The following ABI2 variants were observed in gnomAD, a reference collection of about 807,000 sequenced individuals.
The protein encoded by ABI2 is abl interactor 2, also known as abelson interactor 2.
In ABI2, 25 loss-of-function variants were observed where a neutral mutation model predicts 59.2. The observed-to-expected ratio is 0.42, with a 90% CI of 0.31 to 0.59. The LOEUF is 0.59. Among genes scored for constraint, ABI2 ranks in the 20% least tolerant of loss-of-function variants. The probability of loss-of-function intolerance (pLI) is 0.14; values close to 1 mark genes in which losing one functional copy is unlikely to be tolerated. For missense variants in ABI2, 545 were observed against 681.8 expected (o/e 0.80, Z 2.23); for synonymous variants, 213 against 235.5 (o/e 0.90, Z 0.87).
intron 1 of ABI2, among the ~76,000 whole-genome samples, chr2:203,338,973 T>TAA (rs2078117819): frequency 1.9e-4 from 2 of 10,260 alleles, no homozygotes; most frequent in African/African-American, 5.5e-4. Flanking sequence ...AATATATATA[T>TAA]ATATATATAA....
intron 1 of ABI2, among the ~76,000 whole-genome samples, chr2:203,351,183 T>C (rs2088090721): frequency 6.6e-6 from 1 of 152,228 alleles, no homozygotes. Context: ...ATTTCTGGAC[T>C]CTGAATTCCA....
chr2:203,392,301 A>G (rs2096778629), intron 5 of ABI2, among the ~76,000 whole-genome samples: 1 of 86,478 alleles, frequency 1.2e-5, no homozygotes, highest in South Asian at 4.7e-4. Flanking sequence ...CACCACCACC[A>G]CCACCACCAC....
intron 4 of ABI2, among the ~76,000 whole-genome samples, chr2:203,389,044 TA>T (rs1265105188): frequency 6.6e-6 from 1 of 152,164 alleles, no homozygotes; most frequent in Non-Finnish European, 1.5e-5. Flanking sequence ...GTTACCACTT[TA>T]AAAAAATCTT....
intron 11 of ABI2, among the ~76,000 whole-genome samples, chr2:203,423,000 A>AT (rs1275438507): frequency 6.6e-6 from 1 of 152,234 alleles, no homozygotes; most frequent in African/African-American, 2.4e-5. Context: ...CAAACAGTAT[A>AT]TTGAAATGGA....
At chr2:203,376,058 C>G (rs1213188551) in intron 2 of ABI2, 3 of 1,532,352 alleles carry the variant, frequency 2.0e-6, no homozygotes, top group Admixed American at 3.9e-5. Context: ...TATACTTAGG[C>G]AAATTAGAGG....
In ABI2 at chr2:203,432,132, A is replaced by T. The variant is rs926123481; in HGVS notation, c.*4780A>T. The T allele has an allele frequency of 6.6e-6, 1 of 152,236 alleles. No individual in the cohort carries two copies. Among genetic ancestry groups the T allele is most frequent in the South Asian group, 2.1e-4 (1 of 4,832 alleles). The allele number at this position is 152,236 out of a possible 1,614,324, so 9.4% of individuals were successfully genotyped here. ...ATTGTATTTGGAATTGTTGCCGTGT[A>T]CTAAGAACTTGACCTAAATAAAATC... On this transcript the variant is annotated 3_prime_UTR_variant, in exon 12 of 12. Coordinates refer to ENST00000261018, the MANE Select transcript of ABI2 (RefSeq NM_001375670.1).
chr2:203,330,168 A>G (rs1038451001), intron 1 of ABI2, among the ~76,000 whole-genome samples: 3 of 149,988 alleles, frequency 2.0e-5, no homozygotes, highest in Non-Finnish European at 4.4e-5. Context: ...TTGATTAGAC[A>G]TACTGTTATC....
chr2:203,387,047 G>C (rs1276892590), intron 4 of ABI2, among the ~76,000 whole-genome samples: 2 of 138,468 alleles, frequency 1.4e-5, no homozygotes, highest in Admixed American at 8.0e-5. Context: ...TTCCCCGCAG[G>C]CTCCCTTCCT....
chr2:203,403,750 T>TTG (rs1488189229), intron 9 of ABI2, among the ~76,000 whole-genome samples: 3 of 144,526 alleles, frequency 2.1e-5, no homozygotes, highest in African/African-American at 5.1e-5. Context: ...CTGTTTTTTT[T>TTG]TTTTTTTTTT....
At position 203,411,344 on chromosome 2, in the gene ABI2, G is replaced by C; in HGVS notation, c.1252G>C (p.Gly418Arg). Reference protein sequence around the residue: ...LQVTPQLPLMGFVARVQENIS... With the variant: ...LQVTPQLPLMRFVARVQENIS... The stretch of plus-strand genomic sequence containing the variant: ...GGTAACTCCTCAGTTACCTTTAATG[G>C]GATTTGTGGCCAGAGTCCAAGAAAA... The change falls in exon 10 of 12, where the codon GGA becomes CGA. Residue 418 changes from glycine (G) to arginine (R), a missense_variant. By Grantham distance (125) the Gly-to-Arg change is moderately radical (BLOSUM62 -2). Coordinates refer to ENST00000261018, the MANE Select transcript of ABI2 (RefSeq NM_001375670.1). 1.2e-6 allele frequency: 2 copies of C among 1,613,200 alleles called. No homozygotes were observed. The highest frequency in any genetic ancestry group is 1.7e-6 in the Non-Finnish European group (2 of 1,179,570).
intron 11 of ABI2, 34 bp downstream of exon 11, chr2:203,417,115 A>AG: frequency 6.5e-7 from 1 of 1,549,454 alleles, no homozygotes; most frequent in South Asian, 1.2e-5. Flanking sequence ...ATAGATGGGA[A>AG]GAAACCTCTA....
At chr2:203,336,172 A>C (rs2076350400) in intron 1 of ABI2, among the ~76,000 whole-genome samples, 1 of 152,234 alleles carries the variant, frequency 6.6e-6, no homozygotes, top group Non-Finnish European at 1.5e-5. Flanking sequence ...TAGAGTATGA[A>C]AGAATCATAA....
intron 1 of ABI2, among the ~76,000 whole-genome samples, chr2:203,335,165 A>G (rs1268425792): frequency 1.3e-5 from 2 of 152,248 alleles, no homozygotes; most frequent in African/African-American, 2.4e-5. Flanking sequence ...TGTTCTCCAT[A>G]TACTAGCCAC....
chr2:203,424,728 C>T (rs1265374165), intron 11 of ABI2, among the ~76,000 whole-genome samples: 1 of 152,100 alleles, frequency 6.6e-6, no homozygotes. Flanking sequence ...CAGCATATTT[C>T]TGATTTTTGA....
intron 1 of ABI2, among the ~76,000 whole-genome samples, chr2:203,359,070 T>C (rs1026580957): frequency 2.0e-5 from 3 of 152,124 alleles, no homozygotes; most frequent in African/African-American, 2.4e-5. Context: ...GTCCTGTTGC[T>C]TGAACAAAAT....
chr2:203,347,535 A>G (rs2084448091), intron 1 of ABI2, among the ~76,000 whole-genome samples: 1 of 152,236 alleles, frequency 6.6e-6, no homozygotes, highest in African/African-American at 2.4e-5. Flanking sequence ...CTCATGGTTC[A>G]ATTTGACAAG....
At chr2:203,382,158 C>T (rs1306103657) in intron 3 of ABI2, 31 bp from the exon 4 acceptor site, 2 of 1,512,630 alleles carry the variant, frequency 1.3e-6, no homozygotes, top group Admixed American at 2.1e-5. Context: ...TTTTTCCTTA[C>T]CTCTTTTATT....
At chr2:203,349,468 G>A (rs1195253713) in intron 1 of ABI2, among the ~76,000 whole-genome samples, 1 of 152,122 alleles carries the variant, frequency 6.6e-6, no homozygotes, top group East Asian at 1.9e-4. Context: ...GCAATGGTAG[G>A]ATCTTTGCTC....
chr2:203,398,221 T>C (rs1042667351), intron 8 of ABI2, among the ~76,000 whole-genome samples: 1 of 152,214 alleles, frequency 6.6e-6, no homozygotes, highest in Non-Finnish European at 1.5e-5. Context: ...AGTAGATAAA[T>C]GTAAACATGG....
Sources: allele counts gnomAD v4.1 joint callset (sites outside exome capture counted in the v4.1 genomes callset), GRCh38; gene constraint gnomAD v4.1.1; transcripts MANE v1.5; gene names NCBI Gene and HGNC (gene_info 2026-07-23, HGNC 2026-07-21).